The following HGF variants were observed in gnomAD, a reference collection of about 807,000 sequenced individuals.
The protein encoded by HGF is fibroblast-derived tumor cytotoxic factor.
In HGF, 39 loss-of-function variants were observed where a neutral mutation model predicts 111.6. The observed-to-expected ratio is 0.35, with a 90% CI of 0.27 to 0.46. The LOEUF (loss-of-function observed/expected upper bound fraction) is 0.46. Ranked by LOEUF, HGF falls within the 20% of genes least tolerant of loss-of-function variation. HGF has a pLI of 1.00. For missense variants in HGF, 735 were observed against 910.5 expected (o/e 0.81, Z 2.48); for synonymous variants, 285 against 294.8 (o/e 0.97, Z 0.34).
chr7:81,704,377 C>T (rs1477426800), intron 17 of HGF, among the ~76,000 whole-genome samples: 1 of 151,538 alleles, frequency 6.6e-6, no homozygotes, highest in African/African-American at 2.4e-5. Context: ...ATGCTTATTG[C>T]TTTTTCTTTT....
intron 7 of HGF, among the ~76,000 whole-genome samples, chr7:81,734,231 A>G (rs567904593): frequency 3.3e-5 from 5 of 152,280 alleles, no homozygotes; most frequent in African/African-American, 1.2e-4. Context: ...GAGAGTTCCA[A>G]CAAAGAAAAC....
At chr7:81,703,733 C>T (rs1251477397) in intron 17 of HGF, among the ~76,000 whole-genome samples, 1 of 151,510 alleles carries the variant, frequency 6.6e-6, no homozygotes, top group Non-Finnish European at 1.5e-5. Flanking sequence ...TTTGGAACTA[C>T]CTTAATTTTC....
intron 7 of HGF, among the ~76,000 whole-genome samples, chr7:81,735,365 C>T (rs1787791834): frequency 6.6e-6 from 1 of 152,012 alleles, no homozygotes; most frequent in African/African-American, 2.4e-5. Flanking sequence ...TTGGAAGAGA[C>T]ATCCAAGTAA....
rs529438597 is a variant in HGF, at chr7:81,720,312, T to C, written c.1271+433A>G. Reference sequence around the variant, plus strand: ...ATATGAGTGATTATTCATTGATTTTTCATAAACTATCAATTATTAAATATG... The same window carrying C: ...ATATGAGTGATTATTCATTGATTTTCCATAAACTATCAATTATTAAATATG... On this transcript the variant is annotated intron_variant, in intron 10 of 17. Transcript: ENST00000222390. 2.6e-5 allele frequency among the ~76,000 whole-genome samples: 4 copies of C among 152,336 alleles called. No homozygotes were observed. In the South Asian group the frequency reaches 8.3e-4, roughly 32 times the overall value.
At position 81,762,855 on chromosome 7, in the gene HGF, T is replaced by G. The variant is rs765830204; in HGVS notation, c.106A>C (p.Arg36=). Residue 36 remains arginine, a synonymous_variant, in exon 2 of 18, where the codon AGA becomes CGA. Coordinates refer to ENST00000222390, the MANE Select transcript of HGF (RefSeq NM_000601.6). ...TTTTTGAATTCATGAATTGTATTTC[T>G]TCTTTTCCTTTGTCCCTCTATTAAA... ...IPYAEGQRKR[R]NTIHEFKKSA... is the part of the protein sequence containing the mutation. The G allele has an allele frequency of 6.4e-7, 1 of 1,555,214 alleles. No individual in the cohort carries two copies. Among genetic ancestry groups the G allele is most frequent in the Non-Finnish European group, 8.9e-7 (1 of 1,127,086 alleles).
intron 11 of HGF, among the ~76,000 whole-genome samples, 156 bp downstream of exon 11, chr7:81,717,076 T>A (rs868438917): frequency 6.6e-6 from 1 of 152,166 alleles, no homozygotes; most frequent in African/African-American, 2.4e-5. Context: ...ATGTGGTGTG[T>A]CTGTGTGTGT....
At chr7:81,762,926 G>T in intron 1 of HGF, 54 bp from the exon 2 acceptor site, 2 of 1,031,346 alleles carry the variant, frequency 1.9e-6, no homozygotes, top group Non-Finnish European at 2.9e-6. Context: ...TGTTTTTAAG[G>T]CTCATATATA....
At chr7:81,754,868 G>A (rs781631840) in intron 4 of HGF, among the ~76,000 whole-genome samples, 1 of 152,000 alleles carries the variant, frequency 6.6e-6, no homozygotes, top group African/African-American at 2.4e-5. Context: ...TACACACAAA[G>A]CATGTGCCAG....
At chr7:81,710,983 G>A (rs1174489103) in intron 12 of HGF, among the ~76,000 whole-genome samples, 2 of 152,038 alleles carry the variant, frequency 1.3e-5, no homozygotes, top group Non-Finnish European at 2.9e-5. Flanking sequence ...AATACAAGTG[G>A]CCCCCAACAG....
rs140810951 is a variant in HGF, at chr7:81,750,317, T to G, written c.625+1803A>C. On this transcript the variant is annotated intron_variant, in intron 5 of 17. Transcript: ENST00000222390. ...ATATGTTTAACCTACAGGGCAGATGTTGGTTCCCTTCTCCCACAGGAGAGT... is the reference window on the plus strand; with the variant it reads ...ATATGTTTAACCTACAGGGCAGATGGTGGTTCCCTTCTCCCACAGGAGAGT... Among the ~76,000 whole-genome samples the G allele has an allele frequency of 3.9e-5, 6 of 152,312 alleles. No homozygotes were observed. The South Asian group carries it at 1.0e-3, about 26-fold the overall frequency.
At chr7:81,729,555 A>G in intron 8 of HGF, 50 bp downstream of exon 8, 1 of 1,414,586 alleles carries the variant, frequency 7.1e-7, no homozygotes, top group Non-Finnish European at 1.0e-6. Context: ...ACTCTACCTC[A>G]TTTTCCCCAG....
intron 9 of HGF, among the ~76,000 whole-genome samples, chr7:81,721,096 A>G (rs939634949): frequency 3.9e-5 from 6 of 152,120 alleles, no homozygotes; most frequent in Non-Finnish European, 8.8e-5. Context: ...AAATACAAAA[A>G]ATTAGCCAGG....
At chr7:81,739,617 C>T (rs913166066) in intron 7 of HGF, among the ~76,000 whole-genome samples, 1 of 151,980 alleles carries the variant, frequency 6.6e-6, no homozygotes, top group Non-Finnish European at 1.5e-5. Flanking sequence ...TAGGAAAGAG[C>T]GGCAGTGTGG....
chr7:81,759,956 G>T (rs1788984315), intron 2 of HGF, among the ~76,000 whole-genome samples: 1 of 152,090 alleles, frequency 6.6e-6, no homozygotes. Flanking sequence ...GCAAAAAAAT[G>T]ATAAATTTGT....
chr7:81,727,049 G>GTTT (rs35293935), intron 8 of HGF, among the ~76,000 whole-genome samples: 1 of 144,330 alleles, frequency 6.9e-6, no homozygotes. Context: ...TTTTTTTTTT[G>GTTT]TTTTTTTTTT....
At chr7:81,716,335 A>G (rs1048032530) in intron 11 of HGF, among the ~76,000 whole-genome samples, 2 of 152,148 alleles carry the variant, frequency 1.3e-5, no homozygotes, top group African/African-American at 2.4e-5. Context: ...TGCTTTTGAT[A>G]CATTTTATCA....
chr7:81,728,751 G>C (rs1221706158), intron 8 of HGF, among the ~76,000 whole-genome samples: 1 of 152,130 alleles, frequency 6.6e-6, no homozygotes, highest in Non-Finnish European at 1.5e-5. Flanking sequence ...TGGCGGATGG[G>C]CCAACTAGTG....
chr7:81,760,123 T>C (rs1788995073), intron 2 of HGF, among the ~76,000 whole-genome samples: 1 of 152,212 alleles, frequency 6.6e-6, no homozygotes, highest in Admixed American at 6.5e-5. Context: ...AGCCATCAAA[T>C]TCCGTAAGTT....
chr7:81,727,591 CTA>C (rs1324012073), intron 8 of HGF, among the ~76,000 whole-genome samples: 2 of 148,418 alleles, frequency 1.3e-5, no homozygotes, highest in African/African-American at 5.0e-5. Flanking sequence ...TAAAAAAAAT[CTA>C]TGTCAGTATA....
Sources: gnomAD v4.1 joint callset for allele counts (sites outside exome capture counted in the v4.1 genomes callset) on GRCh38, gnomAD v4.1.1 for gene constraint, MANE v1.5 for transcripts, NCBI Gene and HGNC (gene_info 2026-07-23, HGNC 2026-07-21) for gene names.